Variants in ZNF385D observed in about 807,000 individuals in gnomAD.
The protein encoded by ZNF385D is zinc finger protein 659.
In ZNF385D, 15 loss-of-function variants were observed where a neutral mutation model predicts 35.8. The observed-to-expected ratio is 0.42, with a 90% CI of 0.28 to 0.64. The LOEUF is 0.64. Ranked by LOEUF, ZNF385D falls within the 30% of genes least tolerant of loss-of-function variation. ZNF385D has a pLI of 0.23. For missense variants in ZNF385D, 474 were observed against 494.6 expected (o/e 0.96, Z 0.39); for synonymous variants, 212 against 186.8 (o/e 1.13, Z -1.10).
chr3:22,177,662 C>T (rs1351801391), intron 2 of ZNF385D, among the ~76,000 whole-genome samples: 1 of 151,968 alleles, frequency 6.6e-6, no homozygotes, highest in African/African-American at 2.4e-5. Context: ...ATACATGTGC[C>T]GTGTTGGTGT....
At chr3:21,906,871 C>T (rs1699710307) in intron 3 of ZNF385D, among the ~76,000 whole-genome samples, 1 of 152,150 alleles carries the variant, frequency 6.6e-6, no homozygotes, top group Non-Finnish European at 1.5e-5. Context: ...CAGTCTTTAG[C>T]TTCTGTACTC....
At chr3:21,956,275 A>G (rs1411043548) in intron 3 of ZNF385D, among the ~76,000 whole-genome samples, 1 of 152,094 alleles carries the variant, frequency 6.6e-6, no homozygotes, top group East Asian at 1.9e-4. Flanking sequence ...TTATTTATCC[A>G]GAGTCCTAGA....
intron 3 of ZNF385D, among the ~76,000 whole-genome samples, chr3:22,033,172 C>T (rs1003104077): frequency 1.1e-4 from 16 of 152,114 alleles, no homozygotes; most frequent in African/African-American, 3.9e-4. Context: ...GAGGCTGAGG[C>T]AGGTCGATAG....
intron 3 of ZNF385D, among the ~76,000 whole-genome samples, chr3:22,136,814 C>G (rs1045236054): frequency 1.3e-5 from 2 of 152,060 alleles, no homozygotes. Flanking sequence ...AGTGCATTTT[C>G]TAACTGGAAA....
chr3:22,297,252 G>C (rs1479309505), intron 2 of ZNF385D, among the ~76,000 whole-genome samples: 1 of 151,840 alleles, frequency 6.6e-6, no homozygotes, highest in Non-Finnish European at 1.5e-5. Flanking sequence ...CCCCCAATAG[G>C]ACCTATCATA....
intron 2 of ZNF385D, among the ~76,000 whole-genome samples, chr3:22,238,074 G>T (rs1156239408): frequency 6.6e-6 from 1 of 150,932 alleles, no homozygotes; most frequent in Non-Finnish European, 1.5e-5. Context: ...TTTCTCTGTT[G>T]TCTTTGTAGT....
chr3:21,602,512 A>ATTTTTTTTTTT (rs199882061), intron 2 of ZNF385D, among the ~76,000 whole-genome samples: 10 of 90,202 alleles, frequency 1.1e-4, no homozygotes, highest in African/African-American at 1.8e-4. Flanking sequence ...GTTTCCCTGC[A>ATTTTTTTTTTT]TTTTCTTTTT....
intron 3 of ZNF385D, among the ~76,000 whole-genome samples, chr3:21,854,301 C>G (rs1292923584): frequency 6.6e-6 from 1 of 151,914 alleles, no homozygotes; most frequent in East Asian, 1.9e-4. Context: ...ATGCCCACCT[C>G]CACTTATTTA....
intron 2 of ZNF385D, among the ~76,000 whole-genome samples, chr3:22,236,229 A>C (rs757549044): frequency 3.7e-4 from 57 of 152,210 alleles, no homozygotes; most frequent in Admixed American, 7.9e-4. Flanking sequence ...TTTTATGTAT[A>C]CGTGTATTTA....
chr3:22,048,106 G>C (rs1699118323), intron 3 of ZNF385D, among the ~76,000 whole-genome samples: 1 of 151,806 alleles, frequency 6.6e-6, no homozygotes, highest in Non-Finnish European at 1.5e-5. Flanking sequence ...ACTTACTATT[G>C]AATTGAGTTC....
chr3:22,124,302 A>G (rs1703299017), intron 3 of ZNF385D, among the ~76,000 whole-genome samples: 1 of 152,116 alleles, frequency 6.6e-6, no homozygotes, highest in Non-Finnish European at 1.5e-5. Context: ...GTGTATAAGT[A>G]CCGCATTTTC....
chr3:21,548,084 C>CT (rs1245420250), intron 3 of ZNF385D, among the ~76,000 whole-genome samples: 1 of 152,142 alleles, frequency 6.6e-6, no homozygotes, highest in Non-Finnish European at 1.5e-5. Context: ...GGGAAGCGCT[C>CT]TAACAGGGGA....
At chr3:21,498,331 T>C (rs1029611336) in intron 4 of ZNF385D, among the ~76,000 whole-genome samples, 9 of 151,862 alleles carry the variant, frequency 5.9e-5, no homozygotes, top group African/African-American at 2.2e-4. Flanking sequence ...ATGACAAAGA[T>C]GCCAAAAGCA....
intron 2 of ZNF385D, among the ~76,000 whole-genome samples, chr3:22,209,874 G>A (rs1697406275): frequency 6.6e-6 from 1 of 151,580 alleles, no homozygotes; most frequent in Non-Finnish European, 1.5e-5. Flanking sequence ...ATCTTTGACA[G>A]CATAAATAAG....
intron 3 of ZNF385D, among the ~76,000 whole-genome samples, chr3:21,990,836 G>C (rs1427063446): frequency 6.6e-6 from 1 of 152,128 alleles, no homozygotes; most frequent in Admixed American, 6.6e-5. Flanking sequence ...TGTATAGCTT[G>C]GATTTCCTTT....
At chr3:22,109,591 G>C (rs1485081726) in intron 3 of ZNF385D, among the ~76,000 whole-genome samples, 1 of 152,136 alleles carries the variant, frequency 6.6e-6, no homozygotes, top group South Asian at 2.1e-4. Flanking sequence ...AAGAGGATTT[G>C]AAACAAATGT....
intron 5 of ZNF385D, 198 bp downstream of exon 5, chr3:21,436,772 C>A (rs1179072871): frequency 1.7e-6 from 1 of 581,158 alleles, no homozygotes; most frequent in Non-Finnish European, 3.0e-6. Context: ...CCATGGACTT[C>A]GAGCCCTGGA....
At chr3:21,619,886 C>T (rs2064954089) in intron 2 of ZNF385D, among the ~76,000 whole-genome samples, 1 of 152,136 alleles carries the variant, frequency 6.6e-6, no homozygotes, top group Non-Finnish European at 1.5e-5. Context: ...AGCTAGGAAG[C>T]TCTTGCAAAC....
chr3:22,142,285 G>A (rs567342887), intron 3 of ZNF385D, among the ~76,000 whole-genome samples: 1 of 152,132 alleles, frequency 6.6e-6, no homozygotes, highest in South Asian at 2.1e-4. Flanking sequence ...GAGTTTATAT[G>A]TATAATAAAT....
Sources: gnomAD v4.1 joint callset for allele counts (sites outside exome capture counted in the v4.1 genomes callset) on GRCh38, gnomAD v4.1.1 for gene constraint, MANE v1.5 for transcripts, NCBI Gene and HGNC (gene_info 2026-07-23, HGNC 2026-07-21) for gene names.